Variants in CELSR3 observed in about 807,000 individuals in gnomAD.
CELSR3 encodes cadherin EGF LAG seven-pass G-type receptor 3.
CELSR3 carries 73 observed loss-of-function variants against 270.0 expected under a neutral mutation model. That is an observed-to-expected ratio of 0.27 (90% CI 0.22 to 0.33). CELSR3 has a LOEUF of 0.33. CELSR3 is among the 10% of genes least tolerant of loss of function. The pLI, the probability that CELSR3 is intolerant of heterozygous loss-of-function variation, is 1.00. For missense variants in CELSR3, 3,614 were observed against 4,533.8 expected (o/e 0.80, Z 5.83); for synonymous variants, 1,780 against 1,905.4 (o/e 0.93, Z 1.71).
At position 48,657,879 on chromosome 3, in the gene CELSR3, G is replaced by T. The variant is rs2077035501; in HGVS notation, c.3749-531C>A. 6.6e-6 allele frequency among the ~76,000 whole-genome samples: 1 copy of T among 152,146 alleles called. No homozygotes were observed. The highest frequency in any genetic ancestry group is 2.1e-4 in the South Asian group (1 of 4,826). On this transcript the variant is annotated intron_variant, in intron 1 of 34. Coordinates refer to ENST00000164024, the MANE Select transcript of CELSR3 (RefSeq NM_001407.3). This position sits in a 1 kb window ranked among gnomAD's most constrained non-coding sequence, Gnocchi z 5.4. ...TTTGGTCAGCAAATTGCTCTTCCAT[G>T]ACACTAGAAGGGGCCCTGGCCCAGT...
In CELSR3 at chr3:48,653,943, G is replaced by C; in HGVS notation, c.5213C>G (p.Ser1738Trp). 2 of 1,613,396 alleles carry C rather than the reference G, an allele frequency of 1.2e-6. No individual in the cohort carries two copies. Among genetic ancestry groups the C allele is most frequent in the Non-Finnish European group, 1.7e-6 (2 of 1,179,978 alleles). ...SGPCKNSGFC[S>W]ERWGSFSCDC... The stretch of plus-strand genomic sequence containing the variant: ...GCAGCTGAAGCTGCCCCAGCGCTCC[G>C]AGCAGAAGCCACTGTTCTTGCAGGG... Residue 1738 changes from serine to tryptophan, a missense_variant, in exon 8 of 35, where the codon TCG (serine) becomes TGG (tryptophan). Ser to Trp is a radical substitution (Grantham distance 177, BLOSUM62 -3). Transcript: ENST00000164024. This position sits in a 1 kb window ranked among gnomAD's most constrained non-coding sequence, Gnocchi z 6.5.
rs1446188687 is a variant in CELSR3 at position 48,658,846 on chromosome 3, G to A, written c.3748+41C>T. On this transcript the variant is annotated intron_variant, in intron 1 of 34. Transcript: ENST00000164024. The surrounding 1 kb of genome is among the most constrained non-coding windows in gnomAD (Gnocchi z 4.7). ...CTGTGGAGTCCCTGAGGCCCAACAG[G>A]TTGGTGTCACTGGGTCACTTGCCTG... 8.1e-6 allele frequency: 13 copies of A among 1,595,852 alleles called. No homozygotes were observed. Among genetic ancestry groups the A allele is most frequent in the Middle Eastern group, 1.7e-4 (1 of 5,964 alleles).
Position 48,647,929 on chromosome 3 carries a change from A to G in CELSR3, c.7041T>C (p.His2347=), listed in dbSNP as rs2047101450. Residue 2347 remains histidine (H), a synonymous_variant, in exon 20 of 35, where the codon CAT becomes CAC. Coordinates refer to ENST00000164024, the MANE Select transcript of CELSR3 (RefSeq NM_001407.3). ...CATCCTGGCCTCGAAAGAGGTTGCTATGGTAGCGAGGGTAGCGACGGGCCC... is the reference window on the plus strand; with the variant it reads ...CATCCTGGCCTCGAAAGAGGTTGCTGTGGTAGCGAGGGTAGCGACGGGCCC... The part of the protein sequence containing the change: ...PRGARRYPRY[H]SNLFRGQDAW... 5.6e-6 allele frequency: 9 copies of G among 1,612,084 alleles called. No homozygotes were observed. Among genetic ancestry groups the G allele is most frequent in the Non-Finnish European group, 7.6e-6 (9 of 1,179,704 alleles).
In CELSR3 at chr3:48,640,578, G is replaced by C. The variant is rs2310997; in HGVS notation, c.9026-19C>G. ...AGGATGCCTGTGAGAGGAAGAAAAT[G>C]GGGGGCAGGGTTTGTGTGGGAGGGG... On this transcript the variant is annotated intron_variant, in intron 33 of 34. Transcript: ENST00000164024. This position sits in a 1 kb window ranked among gnomAD's most constrained non-coding sequence, Gnocchi z 7.5. 158,621 of 1,536,206 alleles carry C rather than the reference G, an allele frequency of 0.1. 8,444 individuals are homozygous for C. Among genetic ancestry groups the C allele is most frequent in the African/African-American group, 0.16 (11,541 of 73,160 alleles).
chr3:48,643,989 T>TG, intron 27 of CELSR3: 1 of 588,978 alleles, frequency 1.7e-6, no homozygotes, highest in Non-Finnish European at 3.0e-6. Flanking sequence ...TGGGAGACTC[T>TG]GGGGGGACCC....
chr3:48,646,655 G>T lies in CELSR3; in HGVS notation c.7295+108C>A. 1.7e-6 allele frequency: 2 copies of T among 1,164,968 alleles called. No homozygotes were observed. Among genetic ancestry groups the T allele is most frequent in the South Asian group, 1.5e-5 (1 of 65,854 alleles). 72.2% of individuals were successfully genotyped at this position (1,164,968 alleles called of 1,614,324 possible). A position where few individuals can be genotyped will look rare whatever the true frequency, so the allele number is the denominator to read the frequency against. The stretch of plus-strand genomic sequence containing the variant: ...AACCCGGCAAGGATGGGGCTCCCTG[G>T]AGCTGTGCTCCTCTCTGTGTGTTGT... On this transcript the variant is annotated intron_variant, in intron 21 of 34. Transcript: ENST00000164024. This position sits in a 1 kb window ranked among gnomAD's most constrained non-coding sequence, Gnocchi z 4.8.
In CELSR3 at chr3:48,654,509, T is replaced by G; in HGVS notation, c.4989-57A>C. ...ACTGGGGCCAGAGTAGAGTTGCTCC[T>G]GGGGGGCCACAGGAAGCAGGGGGGT... is the stretch of plus-strand genomic sequence containing the variant. On this transcript the variant is annotated intron_variant, in intron 6 of 34. Transcript: ENST00000164024. This position sits in a 1 kb window ranked among gnomAD's most constrained non-coding sequence, Gnocchi z 5.4. 6.8e-7 allele frequency: 1 copy of G among 1,471,044 alleles called. No individual in the cohort carries two copies. The allele number at this position is 1,471,044 out of a possible 1,614,324, so 91.1% of individuals were successfully genotyped here. A position where few individuals can be genotyped will look rare whatever the true frequency, so the allele number is the denominator to read the frequency against.
Position 48,642,532 on chromosome 3 carries a change from T to G in CELSR3, c.8556-65A>C. The G allele has an allele frequency of 1.3e-6, 2 of 1,520,474 alleles. No homozygotes were observed. The highest frequency in any genetic ancestry group is 1.8e-6 in the Non-Finnish European group (2 of 1,117,092). 94.2% of individuals were successfully genotyped at this position (1,520,474 alleles called of 1,614,324 possible). A position where few individuals can be genotyped will look rare whatever the true frequency, so the allele number is the denominator to read the frequency against. On this transcript the variant is annotated intron_variant, in intron 30 of 34. Transcript: ENST00000164024. This position sits in a 1 kb window ranked among gnomAD's most constrained non-coding sequence, Gnocchi z 6.1. ...TGATGGGGTGCCTTGGAGGCTGGAGTGTCTTTGAGTGCACAGCCAGCTGCG... is the reference window on the plus strand; with the variant it reads ...TGATGGGGTGCCTTGGAGGCTGGAGGGTCTTTGAGTGCACAGCCAGCTGCG...
rs766591783 is a variant in CELSR3 at position 48,645,521 on chromosome 3, C to T, written c.7719G>A (p.Gly2573=). 74 of 1,612,652 alleles carry T rather than the reference C, an allele frequency of 4.6e-5. No individual in the cohort carries two copies. Among genetic ancestry groups the T allele is most frequent in the East Asian group, 6.7e-5 (3 of 44,894 alleles). Residue 2573 remains glycine (G), a synonymous_variant, in exon 24 of 35, where the codon GGG becomes GGA. Transcript: ENST00000164024. The surrounding 1 kb of genome is among the most constrained non-coding windows in gnomAD (Gnocchi z 5.4). ...GGGCGGCTGCCACATTGGCATGGAT[C>T]CCACGCACATTGGACTTGAGGCTGC... ...SLRSLKSNVR[G]IHANVAAALG... is the part of the protein sequence containing the mutation.
rs749347987 is a variant in CELSR3, at chr3:48,650,864, T to A, written c.6370+28A>T. ...GTGGCACACTGGAACCAGCCCTCTA[T>A]GGGTGGAGCTGGGTGGAGCCTGCTC... On this transcript the variant is annotated intron_variant, in intron 15 of 34. Coordinates refer to ENST00000164024, the MANE Select transcript of CELSR3 (RefSeq NM_001407.3). The surrounding 1 kb of genome is among the most constrained non-coding windows in gnomAD (Gnocchi z 5.1). 17 of 1,601,450 alleles carry A rather than the reference T, an allele frequency of 1.1e-5. No individual in the cohort carries two copies. The highest frequency in any genetic ancestry group is 7.7e-6 in the Non-Finnish European group (9 of 1,175,064).
chr3:48,662,456 G>A lies in CELSR3; in HGVS notation c.179C>T (p.Ala60Val). The change falls in exon 1 of 35, where the codon GCC (alanine) becomes GTC (valine). Residue 60 changes from alanine (A) to valine (V), a missense_variant. Physicochemically the swap from Ala to Val is moderately conservative, Grantham distance 64 (BLOSUM62 0). Coordinates refer to ENST00000164024, the MANE Select transcript of CELSR3 (RefSeq NM_001407.3). The surrounding 1 kb of genome is among the most constrained non-coding windows in gnomAD (Gnocchi z 7.1). ...TGPRAHIGGGALALCPESSGV... is the reference protein window; with the variant it reads ...TGPRAHIGGGVLALCPESSGV... ...GGAAGACTCCGGACAAAGAGCTAAG[G>A]CTCCGCCACCGATATGCGCCCTTGG... 1 of 1,612,766 alleles carries A rather than the reference G, an allele frequency of 6.2e-7. No homozygotes were observed. Among genetic ancestry groups the A allele is most frequent in the Non-Finnish European group, 8.5e-7 (1 of 1,179,882 alleles).
In CELSR3 at chr3:48,661,783, G is replaced by A. The variant is rs1182668127; in HGVS notation, c.852C>T (p.Cys284=). Residue 284 remains cysteine, a synonymous_variant, in exon 1 of 35, where the codon TGC becomes TGT. Coordinates refer to ENST00000164024, the MANE Select transcript of CELSR3 (RefSeq NM_001407.3). ...GCCCGGGGCGCTGCGGGAGGAAGCG[G>A]CAGCGGAAGAGACCCCGGGAGCGCA... The part of the protein sequence containing the change: ...KRMRSRGLFR[C]RFLPQRPGPR... The A allele has an allele frequency of 6.2e-7, 1 of 1,603,398 alleles. No individual in the cohort carries two copies. Among genetic ancestry groups the A allele is most frequent in the East Asian group, 2.2e-5 (1 of 44,754 alleles).
At position 48,643,577 on chromosome 3, in the gene CELSR3, G is replaced by A. The variant is rs753008288; in HGVS notation, c.8266C>T (p.His2756Tyr). The change falls in exon 28 of 35, where the codon CAT becomes TAT. Residue 2756 changes from histidine to tyrosine, a missense_variant. By Grantham distance (83) the His-to-Tyr change is moderately conservative (BLOSUM62 2). Transcript: ENST00000164024. ...NHSILAFHYL[H>Y]AGLCGLQGLA... ...ACCTGGAGGCCGCAGAGTCCAGCAT[G>A]GAGGTAGTGGAAGGCTAGGATGCTG... 6.4e-7 allele frequency: 1 copy of A among 1,550,948 alleles called. No homozygotes were observed. Among genetic ancestry groups the A allele is most frequent in the Non-Finnish European group, 8.7e-7 (1 of 1,146,812 alleles).
chr3:48,649,638 G>C (rs905372626), intron 16 of CELSR3, among the ~76,000 whole-genome samples: 2 of 152,180 alleles, frequency 1.3e-5, no homozygotes, highest in Non-Finnish European at 2.9e-5. Context: ...GGAACATCCA[G>C]TGAAAGTCAG....
chr3:48,656,546 G>C, intron 2 of CELSR3, 152 bp downstream of exon 2: 2 of 1,204,918 alleles, frequency 1.7e-6, no homozygotes, highest in Non-Finnish European at 2.2e-6. Flanking sequence ...CTCGGCGGCG[G>C]CCCCTTCCGG....
At position 48,656,241 on chromosome 3, in the gene CELSR3, G is replaced by A. The variant is rs1275255286; in HGVS notation, c.4524C>T (p.Phe1508=). 1.3e-6 allele frequency: 2 copies of A among 1,534,490 alleles called. No homozygotes were observed. Among genetic ancestry groups the A allele is most frequent in the African/African-American group, 2.7e-5 (2 of 72,996 alleles). ...FRCQCPAGGA[F]EGPRCEVAAR... Reference sequence around the variant, plus strand: ...CAGCCACCTCGCAGCGCGGGCCCTCGAAGGCGCCGCCTGCCGGGCACTGGC... The same window carrying A: ...CAGCCACCTCGCAGCGCGGGCCCTCAAAGGCGCCGCCTGCCGGGCACTGGC... The change falls in exon 3 of 35, where the codon TTC becomes TTT. Residue 1508 remains phenylalanine, a synonymous_variant. Transcript: ENST00000164024.
At position 48,658,793 on chromosome 3, in the gene CELSR3, T is replaced by G. The variant is rs1385840094; in HGVS notation, c.3748+94A>C. ...ACCCTTAAGGGGTTCTTGGAAGGCTTAGAAATCCCTCTTTGGTTTGAGGTG... is the reference window on the plus strand; with the variant it reads ...ACCCTTAAGGGGTTCTTGGAAGGCTGAGAAATCCCTCTTTGGTTTGAGGTG... On this transcript the variant is annotated intron_variant, in intron 1 of 34. Transcript: ENST00000164024. This position sits in a 1 kb window ranked among gnomAD's most constrained non-coding sequence, Gnocchi z 4.7. 2.0e-6 allele frequency: 3 copies of G among 1,486,872 alleles called. No individual in the cohort carries two copies. The African/African-American group carries it at 4.2e-5, about 21-fold the overall frequency. 92.1% of individuals were successfully genotyped at this position (1,486,872 alleles called of 1,614,324 possible). A position where few individuals can be genotyped will look rare whatever the true frequency, so the allele number is the denominator to read the frequency against.
Position 48,645,497 on chromosome 3 carries a change from G to A in CELSR3, c.7743C>T (p.Ala2581=). The change falls in exon 24 of 35, where the codon GCC becomes GCT. Residue 2581 remains alanine (A), a synonymous_variant. Coordinates refer to ENST00000164024, the MANE Select transcript of CELSR3 (RefSeq NM_001407.3). The surrounding 1 kb of genome is among the most constrained non-coding windows in gnomAD (Gnocchi z 5.4). Reference sequence around the variant, plus strand: ...GGAAGAGGAGCTCTGCCACCCCCAGGGCGGCTGCCACATTGGCATGGATCC... The same window carrying A: ...GGAAGAGGAGCTCTGCCACCCCCAGAGCGGCTGCCACATTGGCATGGATCC... The part of the protein sequence containing the change: ...VRGIHANVAA[A]LGVAELLFLL... 2 of 1,612,792 alleles carry A rather than the reference G, an allele frequency of 1.2e-6. No individual in the cohort carries two copies. Among genetic ancestry groups the A allele is most frequent in the South Asian group, 1.1e-5 (1 of 91,082 alleles).
chr3:48,653,264 G>C lies in CELSR3; in HGVS notation c.5449-77C>G. The C allele has an allele frequency of 1.5e-6, 2 of 1,375,656 alleles. No homozygotes were observed. The highest frequency in any genetic ancestry group is 1.0e-6 in the Non-Finnish European group (1 of 983,742). The allele number at this position is 1,375,656 out of a possible 1,614,324, so 85.2% of individuals were successfully genotyped here. On this transcript the variant is annotated intron_variant, in intron 9 of 34. Transcript: ENST00000164024. This position sits in a 1 kb window ranked among gnomAD's most constrained non-coding sequence, Gnocchi z 6.5. ...CTTGGAGGTGAGATCAGAGGGCTCA[G>C]AGGTCAGGAATATCAGAGGTCAGAA... is the stretch of plus-strand genomic sequence containing the variant.
Sources: allele counts gnomAD v4.1 joint callset (sites outside exome capture counted in the v4.1 genomes callset), GRCh38; gene constraint gnomAD v4.1.1; non-coding constraint Gnocchi (gnomAD v3.1); transcripts MANE v1.5; gene names NCBI Gene and HGNC (gene_info 2026-07-23, HGNC 2026-07-21).